ZNF92: variants seen among roughly 807,000 people sequenced by gnomAD.
ZNF92 encodes zinc finger protein 92, also known as epididymis luminal protein 203.
In ZNF92, 11 loss-of-function variants were observed where a neutral mutation model predicts 12.4. The ratio of observed to expected loss-of-function variants is 0.89; its 90% CI spans 0.56 to 1.47. The LOEUF (loss-of-function observed/expected upper bound fraction) is 1.47. Among genes scored for constraint, ZNF92 ranks in the 40% most tolerant of loss-of-function variants. The pLI, the probability that ZNF92 is intolerant of heterozygous loss-of-function variation, is 0.00. For synonymous variants in ZNF92, 206 were observed against 228.6 expected, an observed-to-expected ratio of 0.90 and a Z score of 0.89; for missense variants, 622 against 681.0, an observed-to-expected ratio of 0.91 and a Z score of 0.96.
At chr7:65,390,448 C>T (rs1793682269) in intron 3 of ZNF92, among the ~76,000 whole-genome samples, 1 of 151,716 alleles carries the variant, frequency 6.6e-6, no homozygotes, top group African/African-American at 2.4e-5. Context: ...TGGGTTCCCA[C>T]GGTGATGGGA....
intron 1 of ZNF92, among the ~76,000 whole-genome samples, chr7:65,376,667 G>C (rs2116330674): frequency 6.6e-6 from 1 of 152,192 alleles, no homozygotes; most frequent in Middle Eastern, 3.4e-3. Flanking sequence ...GGCTGGTCTT[G>C]AACTCCTGAC....
intron 3 of ZNF92, among the ~76,000 whole-genome samples, chr7:65,390,062 T>C (rs1793670934): frequency 6.6e-6 from 1 of 152,132 alleles, no homozygotes; most frequent in South Asian, 2.1e-4. Context: ...AATGTATTAT[T>C]TTAATGGTAT....
intron 1 of ZNF92, among the ~76,000 whole-genome samples, chr7:65,379,994 T>G (rs1793362184): frequency 6.6e-6 from 1 of 152,112 alleles, no homozygotes; most frequent in Non-Finnish European, 1.5e-5. Context: ...AATGGGTATT[T>G]TTTTCCTGAT....
chr7:65,398,529 A>G lies in ZNF92; in HGVS notation c.415A>G (p.Thr139Ala), dbSNP rs749476451. ...GYNGLNQCLTTTDSKIFQCDK... is the reference protein window; with the variant it reads ...GYNGLNQCLTATDSKIFQCDK... ...TAATGGACTTAACCAGTGTTTGACAACTACTGACAGCAAGATATTTCAGTG... is the reference window on the plus strand; with the variant it reads ...TAATGGACTTAACCAGTGTTTGACAGCTACTGACAGCAAGATATTTCAGTG... Residue 139 changes from threonine to alanine, a missense_variant, in exon 4 of 4, where the codon ACT becomes GCT. Thr to Ala is a moderately conservative substitution (Grantham distance 58). Transcript: ENST00000328747. 1 of 1,611,056 alleles carries G rather than the reference A, an allele frequency of 6.2e-7. No individual in the cohort carries two copies. The highest frequency in any genetic ancestry group is 1.1e-5 in the South Asian group (1 of 90,506).
At chr7:65,391,579 T>TC (rs925449959) in intron 3 of ZNF92, among the ~76,000 whole-genome samples, 2 of 152,016 alleles carry the variant, frequency 1.3e-5, no homozygotes, top group Non-Finnish European at 2.9e-5. Flanking sequence ...ACATAATGTA[T>TC]CCCCCAAATA....
Position 65,388,033 on chromosome 7 carries a change from G to A in ZNF92, c.130+5G>A, listed in dbSNP as rs1485468361. On this transcript the variant is annotated splice_donor_5th_base_variant and intron_variant, in intron 2 of 3. Transcript: ENST00000328747. ...ACAGAAACCTGGTCTTCCTTGGTGA[G>A]GATAACTTCAATACACAATACACAA... is the stretch of plus-strand genomic sequence containing the variant. The A allele has an allele frequency of 6.2e-7, 1 of 1,600,664 alleles. No individual in the cohort carries two copies. The highest frequency in any genetic ancestry group is 8.5e-7 in the Non-Finnish European group (1 of 1,173,982).
intron 1 of ZNF92, 149 bp downstream of exon 1, chr7:65,374,149 C>T (rs1011591895): frequency 8.8e-7 from 1 of 1,130,540 alleles, no homozygotes; most frequent in Admixed American, 2.3e-5. Flanking sequence ...CCCTCAGTCT[C>T]CTTCAGCCAT....
At chr7:65,374,818 C>G (rs1584270766) in intron 1 of ZNF92, among the ~76,000 whole-genome samples, 1 of 152,076 alleles carries the variant, frequency 6.6e-6, no homozygotes. Context: ...CTGATTTTCC[C>G]CTGCAGTTTT....
At chr7:65,383,939 G>A (rs1793494319) in intron 1 of ZNF92, among the ~76,000 whole-genome samples, 1 of 152,116 alleles carries the variant, frequency 6.6e-6, no homozygotes, top group East Asian at 1.9e-4. Flanking sequence ...GCTGACAAGA[G>A]TGGTTCATTC....
At chr7:65,380,525 C>G (rs1793378904) in intron 1 of ZNF92, among the ~76,000 whole-genome samples, 1 of 152,102 alleles carries the variant, frequency 6.6e-6, no homozygotes, top group Non-Finnish European at 1.5e-5. Flanking sequence ...ACCTGCCTCA[C>G]CCTGCCAAAG....
rs752397838 is a variant in ZNF92, at chr7:65,399,463, A to T, written c.1349A>T (p.Asp450Val). ...FTKHKRNHMEDKPYKCEECGK... is the reference protein window; with the variant it reads ...FTKHKRNHMEVKPYKCEECGK... Reference sequence around the variant, plus strand: ...AAACATAAGAGAAATCATATGGAAGATAAACCCTACAAATGTGAAGAATGT... The same window carrying T: ...AAACATAAGAGAAATCATATGGAAGTTAAACCCTACAAATGTGAAGAATGT... Residue 450 changes from aspartate to valine, a missense_variant, in exon 4 of 4, where the codon GAT (aspartate) becomes GTT (valine). Transcript: ENST00000328747. 6.2e-7 allele frequency: 1 copy of T among 1,613,668 alleles called. No individual in the cohort carries two copies. Among genetic ancestry groups the T allele is most frequent in the East Asian group, 2.2e-5 (1 of 44,838 alleles).
At chr7:65,374,724 A>AT (rs1275714943) in intron 1 of ZNF92, among the ~76,000 whole-genome samples, 4 of 151,070 alleles carry the variant, frequency 2.6e-5, no homozygotes, top group Admixed American at 6.6e-5. Context: ...TTTGAATTAT[A>AT]TTTTTTTTAA....
chr7:65,389,019 G>A, intron 3 of ZNF92, 118 bp downstream of exon 3: 1 of 831,440 alleles, frequency 1.2e-6, no homozygotes, highest in Non-Finnish European at 1.8e-6. Flanking sequence ...GAGTGCAAGG[G>A]TGTGATCTTG....
chr7:65,399,215 A>G lies in ZNF92; in HGVS notation c.1101A>G (p.Lys367=). 6.2e-7 allele frequency: 1 copy of G among 1,613,164 alleles called. No individual in the cohort carries two copies. Among genetic ancestry groups the G allele is most frequent in the Non-Finnish European group, 8.5e-7 (1 of 1,179,652 alleles). Residue 367 remains lysine, a synonymous_variant, in exon 4 of 4, where the codon AAA becomes AAG. Transcript: ENST00000328747. ...ATAAGATAATTCATACTGGAGAGAA[A>G]CCCTACAAATGTGATGAATGTGGCA... ...TKHKIIHTGE[K]PYKCDECGKA...
At chr7:65,397,708 G>C (rs895977918) in intron 3 of ZNF92, among the ~76,000 whole-genome samples, 1 of 152,080 alleles carries the variant, frequency 6.6e-6, no homozygotes, top group African/African-American at 2.4e-5. Flanking sequence ...TTCTTAGGAT[G>C]TGCCTTGTCT....
At position 65,398,488 on chromosome 7, in the gene ZNF92, T is replaced by C; in HGVS notation, c.374T>C (p.Val125Ala). 2 of 1,612,990 alleles carry C rather than the reference T, an allele frequency of 1.2e-6. 1 individual carries two copies. The highest frequency in any genetic ancestry group is 2.2e-5 in the South Asian group (2 of 90,912). ...KDHKSVDACK[V>A]YKGGYNGLNQ... ...CATAAAAGTGTGGATGCATGTAAGG[T>C]GTACAAAGGAGGTTATAATGGACTT... is the stretch of plus-strand genomic sequence containing the variant. The change falls in exon 4 of 4, where the codon GTG becomes GCG. Residue 125 changes from valine to alanine, a missense_variant. Physicochemically the swap from Val to Ala is moderately conservative, Grantham distance 64 (BLOSUM62 0). Transcript: ENST00000328747.
At chr7:65,388,178 C>A (rs1028018132) in intron 2 of ZNF92, 150 bp downstream of exon 2, 1 of 818,178 alleles carries the variant, frequency 1.2e-6, no homozygotes, top group Non-Finnish European at 1.8e-6. Context: ...TAGAAAAGAA[C>A]TTCTTCAAGA....
chr7:65,398,095 A>G (rs908093704), intron 3 of ZNF92, among the ~76,000 whole-genome samples: 3 of 151,896 alleles, frequency 2.0e-5, no homozygotes, highest in East Asian at 1.9e-4. Context: ...TTTTCCTTCT[A>G]TGTAGCTCTT....
At chr7:65,397,479 A>G (rs555667617) in intron 3 of ZNF92, among the ~76,000 whole-genome samples, 140 of 151,148 alleles carry the variant, frequency 9.3e-4, no homozygotes, top group African/African-American at 2.9e-3. Flanking sequence ...TTTATTTTCA[A>G]TTTCTTTATA....
Sources: gnomAD v4.1 joint callset for allele counts (sites outside exome capture counted in the v4.1 genomes callset) on GRCh38, gnomAD v4.1.1 for gene constraint, MANE v1.5 for transcripts, NCBI Gene and HGNC (gene_info 2026-07-23, HGNC 2026-07-21) for gene names.